The following GALNT5 variants were observed in gnomAD, a reference collection of about 807,000 sequenced individuals.
GALNT5 encodes UDP-GalNAc:polypeptide N-acetylgalactosaminyltransferase 5.
In GALNT5, 72 loss-of-function variants were observed where a neutral mutation model predicts 85.4. That is an observed-to-expected ratio of 0.84 (90% CI 0.70 to 1.03). The LOEUF is 1.03. Ranked by LOEUF, GALNT5 falls within the 50% of genes least tolerant of loss-of-function variation. The probability of loss-of-function intolerance (pLI) is 0.00; values close to 1 mark genes in which losing one functional copy is unlikely to be tolerated. For missense variants in GALNT5, 1,137 were observed against 1,135.5 expected (o/e 1.00, Z -0.02); for synonymous variants, 404 against 397.0 (o/e 1.02, Z -0.21).
intron 3 of GALNT5, among the ~76,000 whole-genome samples, chr2:157,290,087 GTATA>G (rs55861093): frequency 0.015 from 1,993 of 131,534 alleles, 39 homozygotes; most frequent in Middle Eastern, 0.035. Context: ...AAAAAAAAAT[GTATA>G]TATATATATA....
At chr2:157,309,108 A>G (rs1208799893) in intron 9 of GALNT5, among the ~76,000 whole-genome samples, 3 of 152,156 alleles carry the variant, frequency 2.0e-5, no homozygotes, top group African/African-American at 7.2e-5. Flanking sequence ...CATGTCTCCT[A>G]CAAGTCCTGC....
rs994101714 is a variant in GALNT5, at chr2:157,318,434, A to C, written c.*7086A>C. On this transcript the variant is annotated 3_prime_UTR_variant, in exon 10 of 10. Coordinates refer to ENST00000259056, the MANE Select transcript of GALNT5 (RefSeq NM_014568.3). The stretch of plus-strand genomic sequence containing the variant: ...CTACCTACCAGAAATCCTTTTTACA[A>C]TTTTATATACAATCATTTTAAGACC... 2.0e-5 allele frequency among the ~76,000 whole-genome samples: 3 copies of C among 152,160 alleles called. No individual in the cohort carries two copies. Among genetic ancestry groups the C allele is most frequent in the Admixed American group, 1.3e-4 (2 of 15,260 alleles).
At chr2:157,272,729 T>C (rs1405912518) in intron 1 of GALNT5, among the ~76,000 whole-genome samples, 1 of 152,224 alleles carries the variant, frequency 6.6e-6, no homozygotes, top group African/African-American at 2.4e-5. Flanking sequence ...TATGGCTTCA[T>C]AGGATTCCAT....
chr2:157,295,827 T>A, intron 4 of GALNT5, 29 bp downstream of exon 4: 1 of 1,542,244 alleles, frequency 6.5e-7, no homozygotes, highest in Non-Finnish European at 8.9e-7. Context: ...ACAAGATACT[T>A]TCAAGCACAT....
chr2:157,294,256 A>G (rs62175213), intron 3 of GALNT5, among the ~76,000 whole-genome samples: 113 of 152,302 alleles, frequency 7.4e-4, no homozygotes, highest in Admixed American at 2.2e-3. Flanking sequence ...GGCTCCTCCT[A>G]TGTTCCATTT....
At chr2:157,309,331 A>G (rs1683521157) in intron 9 of GALNT5, among the ~76,000 whole-genome samples, 2 of 152,230 alleles carry the variant, frequency 1.3e-5, no homozygotes, top group Admixed American at 1.3e-4. Flanking sequence ...TATTTATACC[A>G]CAGAAATTGG....
At position 157,316,414 on chromosome 2, in the gene GALNT5, C is replaced by G. The variant is rs1683705707; in HGVS notation, c.*5066C>G. On this transcript the variant is annotated 3_prime_UTR_variant, in exon 10 of 10. Transcript: ENST00000259056. ...TGACTCCTGTATTAATATTACCAAC[C>G]CTTGATCCCTCCAACCTTTAATCAA... 6.6e-6 allele frequency among the ~76,000 whole-genome samples: 1 copy of G among 150,856 alleles called. No homozygotes were observed. The highest frequency in any genetic ancestry group is 2.1e-4 in the South Asian group (1 of 4,796).
Position 157,310,109 on chromosome 2 carries a change from T to C in GALNT5, c.2683-1099T>C, listed in dbSNP as rs551939415. ...TGGGAAAGAGTTCAAGCATAGCAGT[T>C]TCTCTTAAGCGGTAAGCTGATTTGG... On this transcript the variant is annotated intron_variant, in intron 9 of 9. Transcript: ENST00000259056. 3.0e-3 allele frequency among the ~76,000 whole-genome samples: 452 copies of C among 152,224 alleles called. 3 individuals carry two copies. The highest frequency in any genetic ancestry group is 9.9e-3 in the African/African-American group (413 of 41,540).
intron 1 of GALNT5, among the ~76,000 whole-genome samples, chr2:157,283,124 C>T (rs766419100): frequency 6.6e-6 from 1 of 152,130 alleles, no homozygotes; most frequent in Admixed American, 6.6e-5. Flanking sequence ...GATCAGTGTT[C>T]GAGTCCCAGC....
intron 3 of GALNT5, among the ~76,000 whole-genome samples, chr2:157,294,419 G>C (rs1683164933): frequency 6.6e-6 from 1 of 152,210 alleles, no homozygotes; most frequent in Non-Finnish European, 1.5e-5. Flanking sequence ...CTAGGAGTGG[G>C]AAAGCACTGA....
At chr2:157,296,592 G>A in intron 5 of GALNT5, 79 bp downstream of exon 5, 1 of 1,049,868 alleles carries the variant, frequency 9.5e-7, no homozygotes, top group South Asian at 1.4e-5. Context: ...CAAAACAGCT[G>A]TATCTTGTTA....
intron 7 of GALNT5, among the ~76,000 whole-genome samples, chr2:157,305,148 C>T (rs561559106): frequency 1.3e-5 from 2 of 152,136 alleles, no homozygotes; most frequent in Non-Finnish European, 2.9e-5. Flanking sequence ...ATATTTGACC[C>T]TGTAAATCCA....
At chr2:157,273,026 G>A (rs570061909) in intron 1 of GALNT5, among the ~76,000 whole-genome samples, 26 of 152,104 alleles carry the variant, frequency 1.7e-4, no homozygotes, top group Non-Finnish European at 2.9e-4. Flanking sequence ...CCACAGCCTT[G>A]ACAGCATCTG....
At position 157,264,568 on chromosome 2, in the gene GALNT5, T is replaced by G. The variant is rs529680064; in HGVS notation, c.1454+5032T>G. ...AGAGCCAGGACTGTCAACCAATAAT[T>G]TGATTCCTTCCTACACAGCTAAAGA... On this transcript the variant is annotated intron_variant, in intron 1 of 9. Coordinates refer to ENST00000259056, the MANE Select transcript of GALNT5 (RefSeq NM_014568.3). 1.3e-4 allele frequency among the ~76,000 whole-genome samples: 20 copies of G among 152,106 alleles called. No individual in the cohort carries two copies. In the South Asian group the frequency reaches 4.1e-3, roughly 31 times the overall value.
At chr2:157,297,997 A>G (rs1014610503) in intron 5 of GALNT5, among the ~76,000 whole-genome samples, 1 of 152,210 alleles carries the variant, frequency 6.6e-6, no homozygotes, top group African/African-American at 2.4e-5. Context: ...AAAGACTCAT[A>G]AAAGTAGCTG....
In GALNT5 at chr2:157,295,544, A is replaced by G. The variant is rs888502999; in HGVS notation, c.1742-119A>G. The stretch of plus-strand genomic sequence containing the variant: ...GTGACCACGAATTCAGAAAAAAAAA[A>G]AAAGGTCACTGCATTTATAGCCACA... On this transcript the variant is annotated intron_variant, in intron 3 of 9. Transcript: ENST00000259056. 6.5e-5 allele frequency: 47 copies of G among 726,408 alleles called. No individual in the cohort carries two copies. The Middle Eastern group carries it at 7.7e-4, about 12-fold the overall frequency. The allele number at this position is 726,408 out of a possible 1,614,324, so 45.0% of individuals were successfully genotyped here. A position where few individuals can be genotyped will look rare whatever the true frequency, so the allele number is the denominator to read the frequency against.
Position 157,315,894 on chromosome 2 carries a change from T to C in GALNT5, c.*4546T>C, listed in dbSNP as rs565740179. ...AGAAGAGAGTGAGAAAGCTTCCTCATGTTGAGAAAGACAGTTGCTCAAGAG... is the reference window on the plus strand; with the variant it reads ...AGAAGAGAGTGAGAAAGCTTCCTCACGTTGAGAAAGACAGTTGCTCAAGAG... On this transcript the variant is annotated 3_prime_UTR_variant, in exon 10 of 10. Coordinates refer to ENST00000259056, the MANE Select transcript of GALNT5 (RefSeq NM_014568.3). 1.6e-4 allele frequency among the ~76,000 whole-genome samples: 24 copies of C among 152,214 alleles called. No individual in the cohort carries two copies. The highest frequency in any genetic ancestry group is 5.5e-4 in the African/African-American group (23 of 41,530).
chr2:157,273,866 G>T (rs1438259481), intron 1 of GALNT5, among the ~76,000 whole-genome samples: 1 of 151,512 alleles, frequency 6.6e-6, no homozygotes, highest in African/African-American at 2.4e-5. Context: ...CTTTAAACCT[G>T]CCCAATGTGC....
At chr2:157,304,496 G>T (rs1683411432) in intron 7 of GALNT5, among the ~76,000 whole-genome samples, 1 of 152,224 alleles carries the variant, frequency 6.6e-6, no homozygotes, top group Non-Finnish European at 1.5e-5. Context: ...GAAGCCTGGT[G>T]TAAAGTTTCA....
Sources: gnomAD v4.1 joint callset for allele counts (sites outside exome capture counted in the v4.1 genomes callset) on GRCh38, gnomAD v4.1.1 for gene constraint, MANE v1.5 for transcripts, NCBI Gene and HGNC (gene_info 2026-07-23, HGNC 2026-07-21) for gene names.